The following DOCK9 variants were observed in gnomAD, a reference collection of about 807,000 sequenced individuals.
DOCK9 encodes the protein dedicator of cytokinesis 9.
DOCK9 carries 89 observed loss-of-function variants against 263.3 expected under a neutral mutation model. The observed-to-expected ratio is 0.34, with a 90% CI of 0.28 to 0.40. The LOEUF is 0.40. Ranked by LOEUF, DOCK9 falls within the 10% of genes least tolerant of loss-of-function variation. The pLI, the probability that DOCK9 is intolerant of heterozygous loss-of-function variation, is 1.00. For missense variants in DOCK9, 2,140 were observed against 2,603.4 expected (o/e 0.82, Z 3.87); for synonymous variants, 976 against 973.1 (o/e 1.00, Z -0.06).
At chr13:98,991,077 T>TC in intron 1 of DOCK9, among the ~76,000 whole-genome samples, 1 of 110,162 alleles carries the variant, frequency 9.1e-6, no homozygotes, top group South Asian at 3.1e-4. Flanking sequence ...ACAAGTAATT[T>TC]CTTTTTTTTT....
At chr13:98,874,558 T>C (rs2094278599) in intron 27 of DOCK9, among the ~76,000 whole-genome samples, 2 of 152,240 alleles carry the variant, frequency 1.3e-5, no homozygotes, top group Non-Finnish European at 2.9e-5. Flanking sequence ...TAATCTCCCT[T>C]ACTCATTCAT....
intron 1 of DOCK9, among the ~76,000 whole-genome samples, chr13:98,987,237 T>A (rs1337700322): frequency 6.6e-6 from 1 of 152,236 alleles, no homozygotes; most frequent in Non-Finnish European, 1.5e-5. Flanking sequence ...TGTAAACACG[T>A]ATCAAAACAT....
chr13:99,049,672 G>A (rs188372025), intron 1 of DOCK9, among the ~76,000 whole-genome samples: 39 of 152,198 alleles, frequency 2.6e-4, no homozygotes, highest in African/African-American at 7.5e-4. Flanking sequence ...GCGCCACAGC[G>A]TTCAGCTAAT....
At chr13:98,831,895 C>T (rs2092778184) in intron 39 of DOCK9, 109 bp from the exon 40 acceptor site, 1 of 1,350,082 alleles carries the variant, frequency 7.4e-7, no homozygotes, top group Non-Finnish European at 1.0e-6. Flanking sequence ...ACAACTTATA[C>T]TTTAAACAAA....
chr13:98,994,559 G>C (rs1337229603), intron 1 of DOCK9, among the ~76,000 whole-genome samples: 3 of 152,122 alleles, frequency 2.0e-5, no homozygotes, highest in Non-Finnish European at 4.4e-5. Context: ...CTGTGACAAA[G>C]GAATGTGTGT....
intron 1 of DOCK9, among the ~76,000 whole-genome samples, chr13:99,025,822 A>G (rs1886639568): frequency 6.6e-6 from 1 of 152,246 alleles, no homozygotes; most frequent in African/African-American, 2.4e-5. Flanking sequence ...AAATGGATAA[A>G]CAACTACAGA....
intron 27 of DOCK9, among the ~76,000 whole-genome samples, chr13:98,877,848 A>G (rs766742432): frequency 3.9e-5 from 6 of 152,224 alleles, no homozygotes; most frequent in Non-Finnish European, 2.9e-5. Context: ...TGAATTGGTT[A>G]TATTTTGAAT....
intron 14 of DOCK9, among the ~76,000 whole-genome samples, chr13:98,897,865 C>G (rs1266808221): frequency 6.6e-6 from 1 of 152,178 alleles, no homozygotes; most frequent in Non-Finnish European, 1.5e-5. Flanking sequence ...CAAGTAGAGT[C>G]AAGAGATAAA....
intron 27 of DOCK9, among the ~76,000 whole-genome samples, chr13:98,872,518 C>A (rs2094214524): frequency 6.6e-6 from 1 of 152,128 alleles, no homozygotes; most frequent in Non-Finnish European, 1.5e-5. Flanking sequence ...GCAATCGTCT[C>A]ACCTCAGTCT....
intron 45 of DOCK9, among the ~76,000 whole-genome samples, chr13:98,813,365 CTT>C (rs1159055566): frequency 6.6e-6 from 1 of 152,028 alleles, no homozygotes. Flanking sequence ...TGTAGACAGT[CTT>C]TTTGTTTTCA....
At chr13:98,957,061 G>A (rs1001825108) in intron 1 of DOCK9, among the ~76,000 whole-genome samples, 15 of 152,106 alleles carry the variant, frequency 9.9e-5, no homozygotes, top group African/African-American at 3.4e-4. Flanking sequence ...TGGAAAAGAT[G>A]TGGCCACTGC....
At chr13:99,071,096 A>C (rs2041650038) in intron 1 of DOCK9, among the ~76,000 whole-genome samples, 1 of 152,144 alleles carries the variant, frequency 6.6e-6, no homozygotes, top group Non-Finnish European at 1.5e-5. Context: ...GTTGACTGGA[A>C]GCCTTACTGA....
chr13:98,968,263 G>C (rs996903039), intron 1 of DOCK9, among the ~76,000 whole-genome samples: 2 of 151,960 alleles, frequency 1.3e-5, no homozygotes, highest in African/African-American at 4.8e-5. Context: ...GAAATACTGG[G>C]TTAAAATTAT....
intron 1 of DOCK9, among the ~76,000 whole-genome samples, chr13:98,986,129 C>A (rs1878393464): frequency 6.6e-6 from 1 of 152,248 alleles, no homozygotes; most frequent in East Asian, 1.9e-4. Context: ...TCACTTCTCC[C>A]TGTCCAGCTC....
chr13:99,064,610 A>G (rs2142318074), intron 1 of DOCK9, among the ~76,000 whole-genome samples: 1 of 152,392 alleles, frequency 6.6e-6, no homozygotes, highest in East Asian at 1.9e-4. Context: ...CTAACTTTAT[A>G]TCCCCTCTCT....
intron 38 of DOCK9, among the ~76,000 whole-genome samples, chr13:98,840,410 C>A (rs2093168610): frequency 6.6e-6 from 1 of 152,174 alleles, no homozygotes; most frequent in South Asian, 2.1e-4. Flanking sequence ...GACACACATG[C>A]CCCGGGATGC....
intron 34 of DOCK9, among the ~76,000 whole-genome samples, chr13:98,854,967 G>C (rs1467790490): frequency 6.6e-6 from 1 of 152,170 alleles, no homozygotes; most frequent in African/African-American, 2.4e-5. Flanking sequence ...TTATTGGGAT[G>C]GGCACTTGCC....
rs547027487 is a variant in DOCK9, at chr13:98,947,531, G to A, written c.243+7904C>T. On this transcript the variant is annotated intron_variant, in intron 2 of 52. Coordinates refer to ENST00000682017, the MANE Select transcript of DOCK9 (RefSeq NM_001366683.2). Reference sequence around the variant, plus strand: ...ATTTTTTTTTTTTTTTTTTTGAGACGGACTTTCACTCTCATTGCTTAGGCT... The same window carrying A: ...ATTTTTTTTTTTTTTTTTTTGAGACAGACTTTCACTCTCATTGCTTAGGCT... 1.8e-4 allele frequency among the ~76,000 whole-genome samples: 20 copies of A among 109,346 alleles called. No homozygotes were observed. The East Asian group carries it at 5.9e-3, about 32-fold the overall frequency. The allele number at this position is 109,346 out of a possible 152,430, so 71.7% of individuals were successfully genotyped here. A position where few individuals can be genotyped will look rare whatever the true frequency, so the allele number is the denominator to read the frequency against.
chr13:98,984,532 C>T (rs991629386), intron 1 of DOCK9, among the ~76,000 whole-genome samples: 1 of 152,138 alleles, frequency 6.6e-6, no homozygotes, highest in African/African-American at 2.4e-5. Context: ...AAAAATACAA[C>T]AGAATGTAAC....
Sources: allele counts gnomAD v4.1 joint callset (sites outside exome capture counted in the v4.1 genomes callset), GRCh38; gene constraint gnomAD v4.1.1; transcripts MANE v1.5; gene names NCBI Gene and HGNC (gene_info 2026-07-23, HGNC 2026-07-21).